METTL25: variants seen among roughly 807,000 people sequenced by gnomAD.
The protein encoded by METTL25 is methyltransferase like 25, also known as probable methyltransferase-like protein 25.
In METTL25, 64 loss-of-function variants were observed where a neutral mutation model predicts 71.6. The ratio of observed to expected loss-of-function variants is 0.89; its 90% CI spans 0.73 to 1.10. The LOEUF (loss-of-function observed/expected upper bound fraction) is 1.10. METTL25 is among the 50% of genes least tolerant of loss of function. METTL25 has a pLI of 0.00. For synonymous variants in METTL25, 287 were observed against 250.3 expected (o/e 1.15, Z -1.38); for missense variants, 807 against 707.0 (o/e 1.14, Z -1.60).
At chr12:82,404,188 G>A (rs1314323940) in intron 5 of METTL25, among the ~76,000 whole-genome samples, 1 of 151,930 alleles carries the variant, frequency 6.6e-6, no homozygotes, top group Non-Finnish European at 1.5e-5. Flanking sequence ...GGAAAAGTAT[G>A]AAATAGTGAA....
chr12:82,431,611 GCA>G (rs759638063), intron 6 of METTL25, among the ~76,000 whole-genome samples: 2 of 151,340 alleles, frequency 1.3e-5, no homozygotes, highest in African/African-American at 4.8e-5. Context: ...TGCTCTTACT[GCA>G]CACACACACA....
chr12:82,478,188 A>T (rs1056216391), intron 11 of METTL25, among the ~76,000 whole-genome samples: 2 of 151,812 alleles, frequency 1.3e-5, no homozygotes, highest in African/African-American at 4.8e-5. Flanking sequence ...TGGGTGATAA[A>T]ATCAGTACCT....
intron 5 of METTL25, among the ~76,000 whole-genome samples, chr12:82,426,407 TC>T (rs1889017681): frequency 6.6e-6 from 1 of 152,040 alleles, no homozygotes; most frequent in Admixed American, 6.6e-5. Context: ...GGCTGGCAGT[TC>T]CTGTAAACTG....
intron 4 of METTL25, among the ~76,000 whole-genome samples, chr12:82,402,131 A>G (rs1170900090): frequency 6.6e-6 from 1 of 152,074 alleles, no homozygotes; most frequent in Non-Finnish European, 1.5e-5. Context: ...TTGGATAATT[A>G]GAATAAACAT....
At chr12:82,443,388 A>T (rs1394230846) in intron 8 of METTL25, among the ~76,000 whole-genome samples, 2 of 150,428 alleles carry the variant, frequency 1.3e-5, no homozygotes, top group Non-Finnish European at 3.0e-5. Context: ...GAAGTCAGTG[A>T]TGTCTTCAAA....
At chr12:82,420,750 G>A (rs956097699) in intron 5 of METTL25, among the ~76,000 whole-genome samples, 2 of 152,056 alleles carry the variant, frequency 1.3e-5, no homozygotes, top group Non-Finnish European at 2.9e-5. Context: ...GTAGGATTTT[G>A]TCAATTGTAC....
At chr12:82,450,134 G>T (rs900851520) in intron 8 of METTL25, among the ~76,000 whole-genome samples, 2 of 151,784 alleles carry the variant, frequency 1.3e-5, no homozygotes, top group Admixed American at 6.6e-5. Context: ...TCTTTTTCCA[G>T]TTTTCTTGCT....
chr12:82,387,465 A>G (rs1280274581), intron 2 of METTL25, among the ~76,000 whole-genome samples: 1 of 152,072 alleles, frequency 6.6e-6, no homozygotes. Flanking sequence ...TTGTTTCTAC[A>G]TGCCAATTAA....
intron 1 of METTL25, among the ~76,000 whole-genome samples, chr12:82,380,257 T>TA (rs1884300841): frequency 6.6e-6 from 1 of 152,142 alleles, no homozygotes; most frequent in South Asian, 2.1e-4. Flanking sequence ...TTGCCAAGGA[T>TA]AATGACCTCC....
chr12:82,463,462 T>G (rs1438905789), intron 9 of METTL25, among the ~76,000 whole-genome samples: 1 of 152,018 alleles, frequency 6.6e-6, no homozygotes, highest in Non-Finnish European at 1.5e-5. Context: ...CATACCACAT[T>G]TTCTTTGTCT....
At chr12:82,359,348 T>C (rs1881477186) in intron 1 of METTL25, among the ~76,000 whole-genome samples, 1 of 152,108 alleles carries the variant, frequency 6.6e-6, no homozygotes. Flanking sequence ...AACCGCAGGC[T>C]AGGCTTGGCT....
intron 1 of METTL25, among the ~76,000 whole-genome samples, chr12:82,385,275 C>G (rs1237511382): frequency 2.0e-5 from 3 of 152,070 alleles, no homozygotes; most frequent in African/African-American, 7.2e-5. Context: ...TCTTACTTAT[C>G]TTGCTTTAAG....
At chr12:82,362,986 C>CTA (rs952757206) in intron 1 of METTL25, among the ~76,000 whole-genome samples, 21 of 152,282 alleles carry the variant, frequency 1.4e-4, no homozygotes, top group African/African-American at 4.3e-4. Context: ...GGCTTTCTTG[C>CTA]TAGAGATGCT....
chr12:82,475,027 A>G (rs1447735924), intron 9 of METTL25, among the ~76,000 whole-genome samples: 8 of 152,236 alleles, frequency 5.3e-5, no homozygotes, highest in Non-Finnish European at 1.2e-4. Context: ...AACAGTCTCT[A>G]GTTTGAAACA....
intron 9 of METTL25, among the ~76,000 whole-genome samples, chr12:82,458,922 A>C (rs1891674068): frequency 6.6e-6 from 1 of 152,168 alleles, no homozygotes; most frequent in Admixed American, 6.5e-5. Context: ...AGAAGCACTG[A>C]TAAAGTTTGT....
intron 5 of METTL25, among the ~76,000 whole-genome samples, chr12:82,421,295 T>A (rs1161682074): frequency 6.6e-6 from 1 of 152,118 alleles, no homozygotes; most frequent in East Asian, 1.9e-4. Flanking sequence ...ATTGTGGAAA[T>A]AGAGAATTTA....
intron 4 of METTL25, among the ~76,000 whole-genome samples, chr12:82,399,948 CA>C (rs11404604): frequency 0.075 from 10,587 of 141,976 alleles, 623 homozygotes; most frequent in African/African-American, 0.17. Context: ...CTCATTGTCT[CA>C]AAAAAAAAAA....
chr12:82,434,099 T>C (rs1284466875), intron 6 of METTL25, among the ~76,000 whole-genome samples: 1 of 151,236 alleles, frequency 6.6e-6, no homozygotes, highest in Non-Finnish European at 1.5e-5. Flanking sequence ...CCAGTGTATA[T>C]AAAATTGTAA....
chr12:82,474,003 C>T (rs1336851011), intron 9 of METTL25, among the ~76,000 whole-genome samples: 1 of 152,150 alleles, frequency 6.6e-6, no homozygotes, highest in Non-Finnish European at 1.5e-5. Context: ...CTTAAGATGG[C>T]TCTGTGCTGT....
Sources: allele counts gnomAD v4.1 joint callset (sites outside exome capture counted in the v4.1 genomes callset), GRCh38; gene constraint gnomAD v4.1.1; transcripts MANE v1.5; gene names NCBI Gene and HGNC (gene_info 2026-07-23, HGNC 2026-07-21).